The following FRMD3 variants were observed in gnomAD, a reference collection of about 807,000 sequenced individuals.
FRMD3 encodes the protein FERM domain containing 3, also known as FERM domain-containing protein 3.
FRMD3 carries 33 observed loss-of-function variants against 70.2 expected under a neutral mutation model. The ratio of observed to expected loss-of-function variants is 0.47; its 90% CI spans 0.36 to 0.63. The LOEUF is 0.63. FRMD3 is among the 20% of genes least tolerant of loss of function. The pLI, the probability that FRMD3 is intolerant of heterozygous loss-of-function variation, is 0.00. For synonymous variants in FRMD3, 279 were observed against 255.9 expected (o/e 1.09, Z -0.86); for missense variants, 632 against 711.4 (o/e 0.89, Z 1.27).
chr9:83,321,526 T>C (rs1835801203), intron 6 of FRMD3, among the ~76,000 whole-genome samples: 1 of 152,250 alleles, frequency 6.6e-6, no homozygotes, highest in Admixed American at 6.5e-5. Context: ...TTTATTCTGC[T>C]GTGGTCTGGG....
intron 1 of FRMD3, among the ~76,000 whole-genome samples, chr9:83,477,214 C>T (rs554926987): frequency 4.6e-5 from 7 of 152,268 alleles, no homozygotes; most frequent in East Asian, 3.9e-4. Context: ...TGAAAAGCAC[C>T]GGCCCAGTGT....
chr9:83,363,271 T>C (rs145668009), intron 3 of FRMD3, among the ~76,000 whole-genome samples: 44 of 152,312 alleles, frequency 2.9e-4, no homozygotes, highest in African/African-American at 1.0e-3. Flanking sequence ...TCTATTTTTA[T>C]ATAAAAGTAT....
chr9:83,381,291 A>C (rs1176638093), intron 2 of FRMD3, among the ~76,000 whole-genome samples: 2 of 152,216 alleles, frequency 1.3e-5, no homozygotes, highest in African/African-American at 4.8e-5. Flanking sequence ...ACAGTGGTTC[A>C]TGCCTATAAT....
chr9:83,480,354 G>A (rs569762389), intron 1 of FRMD3, among the ~76,000 whole-genome samples: 1 of 151,968 alleles, frequency 6.6e-6, no homozygotes, highest in South Asian at 2.1e-4. Context: ...CCATATCCAT[G>A]AATTCAACCA....
chr9:83,406,027 TCC>T (rs1373422270), intron 1 of FRMD3, among the ~76,000 whole-genome samples: 1 of 152,126 alleles, frequency 6.6e-6, no homozygotes, highest in Non-Finnish European at 1.5e-5. Flanking sequence ...CATTCTCCCT[TCC>T]TACTGCCCCC....
intron 1 of FRMD3, among the ~76,000 whole-genome samples, chr9:83,451,124 GAGTTTTTCA>G (rs1827642100): frequency 6.6e-6 from 1 of 152,056 alleles, no homozygotes; most frequent in Non-Finnish European, 1.5e-5. Flanking sequence ...TTTTCATAAA[GAGTTTTTCA>G]TAAAGAGTTT....
chr9:83,468,064 A>G (rs1309844343), intron 1 of FRMD3, among the ~76,000 whole-genome samples: 1 of 152,220 alleles, frequency 6.6e-6, no homozygotes, highest in African/African-American at 2.4e-5. Context: ...TGTTCATAAC[A>G]TATCTTGTTA....
chr9:83,441,883 C>T (rs1827307972), intron 1 of FRMD3, among the ~76,000 whole-genome samples: 1 of 152,112 alleles, frequency 6.6e-6, no homozygotes, highest in Non-Finnish European at 1.5e-5. Flanking sequence ...AAAAAAAGGC[C>T]AGTATGAACT....
chr9:83,562,614 CACCACACGTG>C, the FRMD3 span, among the ~76,000 whole-genome samples: 1 of 152,334 alleles, frequency 6.6e-6, no homozygotes, highest in South Asian at 2.1e-4. Context: ...CTGTCCTGTT[CACCACACGTG>C]GCTCCAAATA....
intron 1 of FRMD3, among the ~76,000 whole-genome samples, chr9:83,439,751 C>T (rs1827243371): frequency 6.6e-6 from 1 of 152,138 alleles, no homozygotes; most frequent in Non-Finnish European, 1.5e-5. Flanking sequence ...ATGTGCCTTG[C>T]CCAAAGTGTT....
At chr9:83,374,400 T>C (rs549142376) in intron 2 of FRMD3, among the ~76,000 whole-genome samples, 2 of 74,544 alleles carry the variant, frequency 2.7e-5, no homozygotes, top group Non-Finnish European at 6.1e-5. Context: ...AAAACATATA[T>C]TTACCCCGAC....
chr9:83,527,905 G>A (rs1829717865), intron 1 of FRMD3, among the ~76,000 whole-genome samples: 1 of 152,136 alleles, frequency 6.6e-6, no homozygotes, highest in African/African-American at 2.4e-5. Flanking sequence ...CTCCATCACA[G>A]AGTGAGAACT....
At chr9:83,255,298 T>C (rs1298249860) in intron 13 of FRMD3, among the ~76,000 whole-genome samples, 2 of 152,068 alleles carry the variant, frequency 1.3e-5, no homozygotes, top group East Asian at 3.9e-4. Flanking sequence ...TATCTCAATA[T>C]ATGCAGTAAA....
At chr9:83,479,706 A>AAGAAAGAAAGAAAGAAAGAAAGAAAG (rs1564096870) in intron 1 of FRMD3, among the ~76,000 whole-genome samples, 20 of 81,654 alleles carry the variant, frequency 2.4e-4, no homozygotes, top group Admixed American at 4.8e-4. Flanking sequence ...GAAAGAAAGA[A>AAGAAAGAAAGAAAGAAAGAAAGAAAG]AGAAAGAAAG....
At chr9:83,282,346 A>G (rs889999168) in intron 13 of FRMD3, among the ~76,000 whole-genome samples, 3 of 152,224 alleles carry the variant, frequency 2.0e-5, no homozygotes, top group East Asian at 3.8e-4. Flanking sequence ...AGGTACTTTT[A>G]TCATCGTCTA....
At chr9:83,373,190 G>A (rs1478176107) in intron 2 of FRMD3, among the ~76,000 whole-genome samples, 1 of 152,210 alleles carries the variant, frequency 6.6e-6, no homozygotes, top group Non-Finnish European at 1.5e-5. Flanking sequence ...CAGTTGCTAG[G>A]AGAGAAGGAC....
At chr9:83,482,380 A>G (rs1828588438) in intron 1 of FRMD3, among the ~76,000 whole-genome samples, 1 of 152,244 alleles carries the variant, frequency 6.6e-6, no homozygotes, top group African/African-American at 2.4e-5. Flanking sequence ...AGCATCCATT[A>G]AACATTTATT....
At chr9:83,431,124 G>A (rs1045598959) in intron 1 of FRMD3, among the ~76,000 whole-genome samples, 6 of 152,186 alleles carry the variant, frequency 3.9e-5, no homozygotes, top group African/African-American at 1.2e-4. Context: ...GAAGGAGCAC[G>A]TTCATTTCAG....
At chr9:83,289,653 G>A (rs1025585906) in intron 13 of FRMD3, among the ~76,000 whole-genome samples, 1 of 152,176 alleles carries the variant, frequency 6.6e-6, no homozygotes, top group Admixed American at 6.5e-5. Flanking sequence ...ATCTTTTGGG[G>A]ACAGAGTGAT....
Sources: gnomAD v4.1 joint callset for allele counts (sites outside exome capture counted in the v4.1 genomes callset) on GRCh38, gnomAD v4.1.1 for gene constraint, MANE v1.5 for transcripts, NCBI Gene and HGNC (gene_info 2026-07-23, HGNC 2026-07-21) for gene names.